Variants in CNTN4 observed in about 807,000 individuals in gnomAD.
CNTN4 encodes the protein contactin-4.
In CNTN4, 77 loss-of-function variants were observed where a neutral mutation model predicts 122.5. The observed-to-expected ratio is 0.63, with a 90% CI of 0.52 to 0.76. The LOEUF (loss-of-function observed/expected upper bound fraction) is 0.76. Ranked by LOEUF, CNTN4 falls within the 30% of genes least tolerant of loss-of-function variation. The probability of loss-of-function intolerance (pLI) is 0.00; values close to 1 mark genes in which losing one functional copy is unlikely to be tolerated. For synonymous variants in CNTN4, 512 were observed against 447.0 expected, an observed-to-expected ratio of 1.15 and a Z score of -1.83; for missense variants, 1,256 against 1,259.1, an observed-to-expected ratio of 1.00 and a Z score of 0.04.
chr3:2,679,239 AT>A (rs1399452844), intron 4 of CNTN4, among the ~76,000 whole-genome samples: 1 of 152,178 alleles, frequency 6.6e-6, no homozygotes, highest in Non-Finnish European at 1.5e-5. Context: ...TTTAACACTA[AT>A]CATTGGAGAT....
At chr3:2,789,799 T>C (rs1293585109) in intron 6 of CNTN4, among the ~76,000 whole-genome samples, 4 of 152,202 alleles carry the variant, frequency 2.6e-5, no homozygotes, top group Non-Finnish European at 5.9e-5. Context: ...TAAAAAAAAT[T>C]AAAAAGCTAA....
intron 3 of CNTN4, among the ~76,000 whole-genome samples, chr3:2,542,992 A>G (rs967703162): frequency 1.3e-5 from 2 of 152,146 alleles, no homozygotes; most frequent in Non-Finnish European, 2.9e-5. Context: ...AGTGGAAATC[A>G]TCAGCATTAA....
intron 3 of CNTN4, among the ~76,000 whole-genome samples, chr3:2,480,200 G>C (rs2075951697): frequency 6.6e-6 from 1 of 151,898 alleles, no homozygotes; most frequent in African/African-American, 2.4e-5. Context: ...TTCCTACCAG[G>C]ATCAGAAACA....
intron 3 of CNTN4, among the ~76,000 whole-genome samples, chr3:2,344,513 C>T (rs955464139): frequency 6.6e-6 from 1 of 152,080 alleles, no homozygotes; most frequent in African/African-American, 2.4e-5. Context: ...CTCCTGACCT[C>T]ATGATCCACC....
At chr3:3,006,955 T>C (rs1696714361) in intron 14 of CNTN4, among the ~76,000 whole-genome samples, 1 of 152,226 alleles carries the variant, frequency 6.6e-6, no homozygotes, top group Non-Finnish European at 1.5e-5. Flanking sequence ...CGCCATCAAC[T>C]CCACTACCAT....
At chr3:2,764,338 T>C (rs1259004092) in intron 6 of CNTN4, among the ~76,000 whole-genome samples, 1 of 152,192 alleles carries the variant, frequency 6.6e-6, no homozygotes, top group Non-Finnish European at 1.5e-5. Context: ...AAGAAAATGA[T>C]TGTAACTGAG....
At chr3:2,337,295 T>A (rs1162705811) in intron 2 of CNTN4, among the ~76,000 whole-genome samples, 1 of 152,146 alleles carries the variant, frequency 6.6e-6, no homozygotes, top group Non-Finnish European at 1.5e-5. Flanking sequence ...TTTAATAATG[T>A]TTTCTATAAT....
At chr3:2,716,511 T>G (rs1022445956) in intron 4 of CNTN4, among the ~76,000 whole-genome samples, 2 of 152,248 alleles carry the variant, frequency 1.3e-5, no homozygotes, top group African/African-American at 4.8e-5. Context: ...TCATGTATCA[T>G]GAAAATGATT....
At chr3:2,938,313 A>C (rs1477404462) in intron 13 of CNTN4, among the ~76,000 whole-genome samples, 1 of 152,026 alleles carries the variant, frequency 6.6e-6, no homozygotes, top group Admixed American at 6.6e-5. Flanking sequence ...TCTGTCAATA[A>C]TAATAGTAAC....
chr3:2,359,168 T>C (rs2045005863), intron 3 of CNTN4, among the ~76,000 whole-genome samples: 1 of 152,190 alleles, frequency 6.6e-6, no homozygotes, highest in Non-Finnish European at 1.5e-5. Flanking sequence ...GGTAACTTTG[T>C]AAGATTCGAT....
intron 8 of CNTN4, among the ~76,000 whole-genome samples, chr3:2,877,093 G>A (rs1004660775): frequency 1.3e-5 from 2 of 152,172 alleles, no homozygotes; most frequent in Admixed American, 1.3e-4. Flanking sequence ...TGCCAACCGT[G>A]TCTTCCTCAT....
At chr3:3,018,567 G>T (rs1697986223) in intron 14 of CNTN4, among the ~76,000 whole-genome samples, 1 of 152,176 alleles carries the variant, frequency 6.6e-6, no homozygotes, top group Non-Finnish European at 1.5e-5. Flanking sequence ...GGTGGGCAGA[G>T]GAGACAGCTG....
At chr3:2,137,020 T>C (rs2034725841) in intron 2 of CNTN4, among the ~76,000 whole-genome samples, 1 of 152,138 alleles carries the variant, frequency 6.6e-6, no homozygotes, top group Non-Finnish European at 1.5e-5. Flanking sequence ...CATAACAAAT[T>C]AGAATCTAGG....
At chr3:2,858,410 G>A (rs896556068) in intron 7 of CNTN4, among the ~76,000 whole-genome samples, 7 of 152,254 alleles carry the variant, frequency 4.6e-5, no homozygotes, top group African/African-American at 1.4e-4. Flanking sequence ...GATATTTGAG[G>A]ACTATGTTTG....
chr3:2,474,167 G>A (rs1268376907), intron 3 of CNTN4, among the ~76,000 whole-genome samples: 1 of 152,008 alleles, frequency 6.6e-6, no homozygotes, highest in African/African-American at 2.4e-5. Flanking sequence ...TTTCTATGCT[G>A]TTCTTTTTAC....
intron 2 of CNTN4, among the ~76,000 whole-genome samples, chr3:2,236,017 A>G (rs1305538828): frequency 6.6e-6 from 1 of 152,170 alleles, no homozygotes; most frequent in Non-Finnish European, 1.5e-5. Flanking sequence ...TCAATGGAGA[A>G]GGGTTCAGGA....
intron 12 of CNTN4, among the ~76,000 whole-genome samples, chr3:2,924,595 A>G (rs2094456378): frequency 6.6e-6 from 1 of 152,234 alleles, no homozygotes; most frequent in African/African-American, 2.4e-5. Context: ...ACAAATATGT[A>G]TCTTTTGTTT....
rs529859019 is a variant in CNTN4 at position 2,213,337 on chromosome 3, G to A, written c.-145+112698G>A. 1.4e-4 allele frequency among the ~76,000 whole-genome samples: 22 copies of A among 152,226 alleles called. No homozygotes were observed. The South Asian group carries it at 3.9e-3, about 27-fold the overall frequency. ...TTTATTTACCCCTTGCCTCCCTGGA[G>A]CCTTGTCATAGGCTTCAGGCTTCAC... On this transcript the variant is annotated intron_variant, in intron 2 of 24. Coordinates refer to ENST00000418658, the MANE Select transcript of CNTN4 (RefSeq NM_175607.3).
At chr3:2,813,068 C>T (rs1283576272) in intron 6 of CNTN4, among the ~76,000 whole-genome samples, 1 of 152,172 alleles carries the variant, frequency 6.6e-6, no homozygotes, top group Non-Finnish European at 1.5e-5. Context: ...CTACAAGTCT[C>T]TTCAATCCAG....
Sources: gnomAD v4.1 joint callset for allele counts (sites outside exome capture counted in the v4.1 genomes callset) on GRCh38, gnomAD v4.1.1 for gene constraint, MANE v1.5 for transcripts, NCBI Gene and HGNC (gene_info 2026-07-23, HGNC 2026-07-21) for gene names.